Variants in STX3 observed in about 807,000 individuals in gnomAD.
The protein encoded by STX3 is syntaxin-3.
Under a neutral mutation model 40.2 loss-of-function variants are expected in STX3, and 19 were observed. That is an observed-to-expected ratio of 0.47 (90% CI 0.33 to 0.69). STX3 has a LOEUF of 0.69. Ranked by LOEUF, STX3 falls within the 30% of genes least tolerant of loss-of-function variation. The pLI, the probability that STX3 is intolerant of heterozygous loss-of-function variation, is 0.02. For synonymous variants in STX3, 122 were observed against 132.2 expected, an observed-to-expected ratio of 0.92 and a Z score of 0.53; for missense variants, 364 against 366.7, an observed-to-expected ratio of 0.99 and a Z score of 0.06.
At chr11:59,792,651 C>T (rs1366398644) in intron 6 of STX3, among the ~76,000 whole-genome samples, 2 of 152,042 alleles carry the variant, frequency 1.3e-5, no homozygotes, top group Non-Finnish European at 2.9e-5. Flanking sequence ...GAAGGCAGGG[C>T]CCCGTGGAGT....
At chr11:59,781,668 C>T in intron 2 of STX3, 5 of 1,607,440 alleles carry the variant, frequency 3.1e-6, no homozygotes, top group Non-Finnish European at 4.3e-6. Context: ...TTCATCAAAG[C>T]CTTTGCTGTC....
intron 1 of STX3, among the ~76,000 whole-genome samples, chr11:59,766,233 T>C (rs1216386839): frequency 6.6e-6 from 1 of 152,224 alleles, no homozygotes; most frequent in Non-Finnish European, 1.5e-5. Flanking sequence ...CATTCTGCCT[T>C]GCTGCTCTGA....
At chr11:59,791,107 G>T (rs1043515344) in intron 5 of STX3, among the ~76,000 whole-genome samples, 1 of 152,202 alleles carries the variant, frequency 6.6e-6, no homozygotes, top group Non-Finnish European at 1.5e-5. Context: ...GGGGTAGCCA[G>T]AGGAGGCTGG....
intron 2 of STX3, among the ~76,000 whole-genome samples, chr11:59,784,503 A>G (rs1020684747): frequency 1.2e-4 from 19 of 152,188 alleles, no homozygotes; most frequent in African/African-American, 4.1e-4. Context: ...GTTTGTTTTC[A>G]TGGTGCTGAT....
chr11:59,788,997 A>G (rs1352308033), intron 4 of STX3, 50 bp downstream of exon 4: 3 of 1,514,028 alleles, frequency 2.0e-6, no homozygotes, highest in South Asian at 2.4e-5. Flanking sequence ...CATCTATCTC[A>G]GCTCCCCTAG....
intron 2 of STX3, among the ~76,000 whole-genome samples, chr11:59,778,151 TCTGTTA>T (rs1435183999): frequency 6.6e-6 from 1 of 152,136 alleles, no homozygotes; most frequent in African/African-American, 2.4e-5. Context: ...TCTGCTTGGC[TCTGTTA>T]CTGAAGCAGT....
Position 59,793,374 on chromosome 11 carries a change from T to C in STX3, c.541-6T>C, listed in dbSNP as rs754062241. ...TAGCTAACAGTCTGTGTGTGGCCTG[T>C]TGTAGATCATTGACTCACAGATTTC... On this transcript the variant is annotated splice_polypyrimidine_tract_variant and splice_region_variant and intron_variant, in intron 7 of 10. Transcript: ENST00000337979. 1.2e-6 allele frequency: 2 copies of C among 1,613,398 alleles called. No homozygotes were observed. The highest frequency in any genetic ancestry group is 4.5e-5 in the East Asian group (2 of 44,848).
rs1241940297 is a variant in STX3 at position 59,781,750 on chromosome 11, A to C, written c.115-5287A>C. On this transcript the variant is annotated intron_variant, in intron 2 of 10. Transcript: ENST00000337979. ...GGTGCGGGCGGGCTGGCGTGCAGAG[A>C]GCAACATTTGTTTTCTAAAGCAAAG... 9.6e-6 allele frequency: 15 copies of C among 1,563,886 alleles called. No individual in the cohort carries two copies. The East Asian group carries it at 3.3e-4, about 35-fold the overall frequency.
Position 59,787,143 on chromosome 11 carries a change from G to A in STX3, c.214+7G>A. On this transcript the variant is annotated splice_region_variant and intron_variant, in intron 3 of 10. Coordinates refer to ENST00000337979, the MANE Select transcript of STX3 (RefSeq NM_004177.5). ...GCACCGATTCCAGAGCCAAGTGAGT[G>A]TTTACTTAGAACTGAGTCATCCAAC... 6.2e-7 allele frequency: 1 copy of A among 1,612,664 alleles called. No homozygotes were observed.
At chr11:59,782,717 G>T (rs1264938326) in intron 2 of STX3, among the ~76,000 whole-genome samples, 1 of 152,108 alleles carries the variant, frequency 6.6e-6, no homozygotes, top group Non-Finnish European at 1.5e-5. Flanking sequence ...TTTAGGCTGG[G>T]CCTGGTGGCT....
intron 2 of STX3, among the ~76,000 whole-genome samples, chr11:59,785,726 A>G (rs1864719221): frequency 6.6e-6 from 1 of 152,198 alleles, no homozygotes; most frequent in Admixed American, 6.5e-5. Context: ...CTGCATATGC[A>G]TTGAGTTTTA....
intron 10 of STX3, chr11:59,799,866 T>C (rs1865772779): frequency 5.1e-6 from 5 of 985,308 alleles, no homozygotes; most frequent in Admixed American, 6.1e-5. Context: ...CCCTTGACTT[T>C]TTTGTATGTG....
intron 2 of STX3, among the ~76,000 whole-genome samples, chr11:59,784,787 A>C (rs764887731): frequency 6.6e-6 from 1 of 152,120 alleles, no homozygotes; most frequent in Non-Finnish European, 1.5e-5. Context: ...CCCACAACAC[A>C]TGGGGATTAT....
chr11:59,788,800 G>A (rs1864925682), intron 3 of STX3, 73 bp from the exon 4 acceptor site: 3 of 1,330,456 alleles, frequency 2.3e-6, no homozygotes, highest in African/African-American at 2.9e-5. Flanking sequence ...CTCCTCTGAT[G>A]ATGATTGCTG....
chr11:59,802,214 C>T lies in STX3; in HGVS notation c.*1390C>T, dbSNP rs1865911344. On this transcript the variant is annotated 3_prime_UTR_variant, in exon 11 of 11. Transcript: ENST00000337979. ...TTAATGAGCTTGGCAGGTTCTTTGTCTCACTGAATTCTTATCATGGAAACA... is the reference window on the plus strand; with the variant it reads ...TTAATGAGCTTGGCAGGTTCTTTGTTTCACTGAATTCTTATCATGGAAACA... 3.0e-6 allele frequency: 3 copies of T among 985,478 alleles called. No individual in the cohort carries two copies. The highest frequency in any genetic ancestry group is 3.6e-6 in the Non-Finnish European group (3 of 829,982). The allele number at this position is 985,478 out of a possible 1,614,324, so 61.0% of individuals were successfully genotyped here.
intron 9 of STX3, among the ~76,000 whole-genome samples, chr11:59,796,003 A>G (rs994499660): frequency 6.6e-6 from 1 of 152,208 alleles, no homozygotes; most frequent in African/African-American, 2.4e-5. Context: ...GACTTAGCTC[A>G]TGAGGCTTTC....
chr11:59,764,717 C>T (rs2134880148), intron 1 of STX3, among the ~76,000 whole-genome samples: 1 of 152,062 alleles, frequency 6.6e-6, no homozygotes, highest in East Asian at 1.9e-4. Context: ...GCCTGTGAGT[C>T]CTAATGAGGT....
chr11:59,778,747 G>A (rs1864155366), intron 2 of STX3, among the ~76,000 whole-genome samples: 1 of 151,876 alleles, frequency 6.6e-6, no homozygotes, highest in African/African-American at 2.4e-5. Flanking sequence ...GCTTAACTTG[G>A]CTATCCTAGC....
chr11:59,798,882 AAAAC>A (rs1313165176), intron 10 of STX3, among the ~76,000 whole-genome samples: 14 of 151,800 alleles, frequency 9.2e-5, no homozygotes, highest in African/African-American at 2.7e-4. Context: ...TTGTGACTTT[AAAAC>A]AAACAATTTT....
Sources: allele counts gnomAD v4.1 joint callset (sites outside exome capture counted in the v4.1 genomes callset), GRCh38; gene constraint gnomAD v4.1.1; transcripts MANE v1.5; gene names NCBI Gene and HGNC (gene_info 2026-07-23, HGNC 2026-07-21).